RSBN1L: variants seen among roughly 807,000 people sequenced by gnomAD.
RSBN1L encodes lysine-specific demethylase RSBN1L.
Under a neutral mutation model 67.7 loss-of-function variants are expected in RSBN1L, and 30 were observed. The ratio of observed to expected loss-of-function variants is 0.44; its 90% CI spans 0.33 to 0.60. RSBN1L has a LOEUF of 0.60. Among genes scored for constraint, RSBN1L ranks in the 20% least tolerant of loss-of-function variants. RSBN1L has a pLI of 0.02. For synonymous variants in RSBN1L, 433 were observed against 387.0 expected, an observed-to-expected ratio of 1.12 and a Z score of -1.39; for missense variants, 992 against 1,031.7, an observed-to-expected ratio of 0.96 and a Z score of 0.53.
At chr7:77,753,523 C>G (rs1791580626) in intron 3 of RSBN1L, among the ~76,000 whole-genome samples, 1 of 152,154 alleles carries the variant, frequency 6.6e-6, no homozygotes, top group Non-Finnish European at 1.5e-5. Context: ...CTTTTGTCAG[C>G]TAACTGTATT....
Position 77,707,829 on chromosome 7 carries a change from G to A in RSBN1L, c.586+10774G>A, listed in dbSNP as rs1467665852. On this transcript the variant is annotated intron_variant, in intron 1 of 7. Coordinates refer to ENST00000334955, the MANE Select transcript of RSBN1L (RefSeq NM_198467.3). The stretch of plus-strand genomic sequence containing the variant: ...GGGTGCACCATGAGCTGGGATATGA[G>A]CTCTTTGAGGACAGAAACAATAATA... Among the ~76,000 whole-genome samples the A allele has an allele frequency of 2.0e-5, 3 of 152,072 alleles. No individual in the cohort carries two copies. The East Asian group carries it at 5.8e-4, about 29-fold the overall frequency.
At chr7:77,753,347 T>C (rs1459983234) in intron 3 of RSBN1L, among the ~76,000 whole-genome samples, 1 of 152,254 alleles carries the variant, frequency 6.6e-6, no homozygotes, top group Non-Finnish European at 1.5e-5. Flanking sequence ...TAGCTCCCTG[T>C]GGTTTAATTT....
chr7:77,740,853 C>A (rs1791399028), intron 2 of RSBN1L, among the ~76,000 whole-genome samples: 1 of 152,072 alleles, frequency 6.6e-6, no homozygotes, highest in African/African-American at 2.4e-5. Flanking sequence ...CCCTCACTCC[C>A]AGTCTGGCAC....
chr7:77,718,349 T>TG (rs1223427593), intron 1 of RSBN1L, among the ~76,000 whole-genome samples: 3 of 152,218 alleles, frequency 2.0e-5, no homozygotes, highest in Non-Finnish European at 4.4e-5. Context: ...TTGCCTAGGC[T>TG]GGTAGGCACT....
Position 77,696,820 on chromosome 7 carries a change from C to G in RSBN1L, c.351C>G (p.Ser117=), listed in dbSNP as rs1399440292. 3 of 1,613,684 alleles carry G rather than the reference C, an allele frequency of 1.9e-6. No homozygotes were observed. Among genetic ancestry groups the G allele is most frequent in the East Asian group, 2.2e-5 (1 of 44,880 alleles). ...GCACGGCCGTTCCCTCCTCAGCCTC[C>G]GCTTCCTTGTCTCAGCCGGTGCCGC... The part of the protein sequence containing the change: ...SAGTAVPSSA[S]ASLSQPVPRK... The change falls in exon 1 of 8, where the codon TCC becomes TCG. Residue 117 remains serine (S), a synonymous_variant. Coordinates refer to ENST00000334955, the MANE Select transcript of RSBN1L (RefSeq NM_198467.3).
At chr7:77,771,754 C>T (rs1489548348) in intron 5 of RSBN1L, among the ~76,000 whole-genome samples, 1 of 152,036 alleles carries the variant, frequency 6.6e-6, no homozygotes, top group Admixed American at 6.5e-5. Context: ...AGGTGATCCA[C>T]CTGCCTTGGC....
chr7:77,703,477 G>GTTTTTT lies in RSBN1L; in HGVS notation c.586+6447_586+6452dup, dbSNP rs71529102. ...GTGTCTCTTTTTTCCTACTGTTTGG[G>GTTTTTT]TTTTTTTTTTTTTTTTTTTTTTTTT... On this transcript the variant is annotated intron_variant, in intron 1 of 7. Coordinates refer to ENST00000334955, the MANE Select transcript of RSBN1L (RefSeq NM_198467.3). Among the ~76,000 whole-genome samples, 184 of 61,606 alleles carry GTTTTTT rather than the reference G, an allele frequency of 3.0e-3. 21 individuals carry two copies. Among genetic ancestry groups the GTTTTTT allele is most frequent in the East Asian group, 0.012 (18 of 1,544 alleles). 40.4% of individuals were successfully genotyped at this position (61,606 alleles called of 152,430 possible). A position where few individuals can be genotyped will look rare whatever the true frequency, so the allele number is the denominator to read the frequency against.
intron 5 of RSBN1L, among the ~76,000 whole-genome samples, chr7:77,771,278 A>G (rs1041724971): frequency 6.6e-6 from 1 of 152,042 alleles, no homozygotes; most frequent in Non-Finnish European, 1.5e-5. Context: ...TAGCTGTTAC[A>G]GTGATTATTA....
At chr7:77,761,167 T>C (rs971722021) in intron 3 of RSBN1L, among the ~76,000 whole-genome samples, 2 of 152,244 alleles carry the variant, frequency 1.3e-5, no homozygotes, top group African/African-American at 4.8e-5. Flanking sequence ...TGCAACATAA[T>C]GTCACTTTAT....
chr7:77,776,051 C>T (rs1049105892), intron 6 of RSBN1L, among the ~76,000 whole-genome samples: 6 of 103,918 alleles, frequency 5.8e-5, no homozygotes, highest in South Asian at 6.1e-4. Context: ...CGTGAGACTC[C>T]GTCTCAAAAA....
At position 77,739,739 on chromosome 7, in the gene RSBN1L, C is replaced by CTTTTTTTTTTTTTTT. The variant is rs1173154183; in HGVS notation, c.703+3228_703+3242dup. On this transcript the variant is annotated intron_variant, in intron 2 of 7. Transcript: ENST00000334955. ...AAAAAAAAAAAAAAAAAAAATGTGT[C>CTTTTTTTTTTTTTTT]TTTTTTTTTTTTTTTTTTTTTTTTT... 1.4e-4 allele frequency among the ~76,000 whole-genome samples: 6 copies of CTTTTTTTTTTTTTTT among 42,690 alleles called. 2 individuals are homozygous for CTTTTTTTTTTTTTTT. Among genetic ancestry groups the CTTTTTTTTTTTTTTT allele is most frequent in the African/African-American group, 2.9e-4 (3 of 10,482 alleles). The allele number at this position is 42,690 out of a possible 152,430, so 28.0% of individuals were successfully genotyped here.
intron 1 of RSBN1L, among the ~76,000 whole-genome samples, chr7:77,703,554 A>G (rs1312182551): frequency 4.6e-5 from 6 of 131,846 alleles, no homozygotes; most frequent in East Asian, 4.7e-4. Context: ...CAGTGGCACA[A>G]TCTTGCTCAT....
At chr7:77,746,020 A>C (rs528257377) in intron 2 of RSBN1L, among the ~76,000 whole-genome samples, 32 of 152,332 alleles carry the variant, frequency 2.1e-4, no homozygotes, top group African/African-American at 7.5e-4. Flanking sequence ...AATACAGATG[A>C]AGCTTCGCTG....
At chr7:77,709,182 GTGTGTGTGTGTGTGTA>G (rs1178893396) in intron 1 of RSBN1L, among the ~76,000 whole-genome samples, 223 of 135,412 alleles carry the variant, frequency 1.6e-3, no homozygotes, top group Middle Eastern at 0.011. Flanking sequence ...GTGTGTGTGT[GTGTGTGTGTGTGTGTA>G]TGTATGTGTA....
intron 1 of RSBN1L, among the ~76,000 whole-genome samples, chr7:77,707,171 G>C (rs1458594310): frequency 6.6e-6 from 1 of 151,868 alleles, no homozygotes; most frequent in Non-Finnish European, 1.5e-5. Context: ...TTACAGTTGT[G>C]TGCCACCACG....
At chr7:77,745,423 G>T (rs117795013) in intron 2 of RSBN1L, among the ~76,000 whole-genome samples, 1 of 152,252 alleles carries the variant, frequency 6.6e-6, no homozygotes, top group Non-Finnish European at 1.5e-5. Context: ...GGAAAAGGAG[G>T]TATCATTTCA....
chr7:77,731,429 T>C (rs1196107882), intron 1 of RSBN1L, among the ~76,000 whole-genome samples: 1 of 152,052 alleles, frequency 6.6e-6, no homozygotes, highest in Non-Finnish European at 1.5e-5. Context: ...AGAGACAGGG[T>C]TTCATCATGT....
rs567359110 is a variant in RSBN1L at position 77,763,656 on chromosome 7, T to G, written c.1345-1839T>G. 4.4e-4 allele frequency among the ~76,000 whole-genome samples: 67 copies of G among 152,316 alleles called. 2 individuals carry two copies. In the South Asian group the frequency reaches 0.013, roughly 30 times the overall value. ...AGGCGACAGGAAAAAGATGAGACAA[T>G]GAGCATACAATGGGGGCATAAGCCC... On this transcript the variant is annotated intron_variant, in intron 3 of 7. Transcript: ENST00000334955.
intron 5 of RSBN1L, among the ~76,000 whole-genome samples, chr7:77,771,790 G>C (rs181447908): frequency 3.3e-5 from 5 of 151,690 alleles, no homozygotes. Context: ...GATTACAAGC[G>C]TGAGCCACTG....
Sources: gnomAD v4.1 joint callset for allele counts (sites outside exome capture counted in the v4.1 genomes callset) on GRCh38, gnomAD v4.1.1 for gene constraint, MANE v1.5 for transcripts, NCBI Gene and HGNC (gene_info 2026-07-23, HGNC 2026-07-21) for gene names.